BAZ1A: variants seen among roughly 807,000 people sequenced by gnomAD.
BAZ1A encodes the protein bromodomain adjacent to zinc finger domain protein 1A.
BAZ1A carries 50 observed loss-of-function variants against 185.2 expected under a neutral mutation model. That is an observed-to-expected ratio of 0.27 (90% CI 0.22 to 0.34). The LOEUF (loss-of-function observed/expected upper bound fraction) is 0.34. Ranked by LOEUF, BAZ1A falls within the 10% of genes least tolerant of loss-of-function variation. The probability of loss-of-function intolerance (pLI) is 1.00; values close to 1 mark genes in which losing one functional copy is unlikely to be tolerated. For synonymous variants in BAZ1A, 571 were observed against 615.6 expected, an observed-to-expected ratio of 0.93 and a Z score of 1.07; for missense variants, 1,356 against 1,839.9, an observed-to-expected ratio of 0.74 and a Z score of 4.81.
chr14:34,793,588 C>A (rs1406012315), intron 11 of BAZ1A, among the ~76,000 whole-genome samples: 1 of 152,214 alleles, frequency 6.6e-6, no homozygotes, highest in Non-Finnish European at 1.5e-5. Context: ...GTGGGTGGAT[C>A]ACGAGGTCAG....
At chr14:34,829,020 G>C (rs1449715366) in intron 3 of BAZ1A, among the ~76,000 whole-genome samples, 1 of 152,222 alleles carries the variant, frequency 6.6e-6, no homozygotes, top group Non-Finnish European at 1.5e-5. Context: ...CCAGCACTTT[G>C]AGAGGGTGAG....
chr14:34,870,072 T>G (rs954615553), intron 2 of BAZ1A, among the ~76,000 whole-genome samples: 2 of 152,166 alleles, frequency 1.3e-5, no homozygotes, highest in African/African-American at 2.4e-5. Flanking sequence ...ATCCACAGAA[T>G]AGTGAGCAAA....
chr14:34,754,990 T>C (rs1009646907), intron 25 of BAZ1A, 76 bp from the exon 26 acceptor site: 3 of 1,159,534 alleles, frequency 2.6e-6, no homozygotes, highest in East Asian at 4.8e-5. Context: ...CTAAAAGTTT[T>C]GCACTAAAAA....
At chr14:34,829,001 C>A (rs2042201837) in intron 3 of BAZ1A, among the ~76,000 whole-genome samples, 1 of 152,224 alleles carries the variant, frequency 6.6e-6, no homozygotes, top group African/African-American at 2.4e-5. Flanking sequence ...CATTTGCACG[C>A]CTGCAATCCC....
At position 34,802,972 on chromosome 14, in the gene BAZ1A, G is replaced by A. The variant is rs750788363; in HGVS notation, c.743C>T (p.Thr248Met). 5.0e-6 allele frequency: 8 copies of A among 1,610,562 alleles called. No individual in the cohort carries two copies. The highest frequency in any genetic ancestry group is 1.3e-5 in the African/African-American group (1 of 74,842). Residue 248 changes from threonine (T) to methionine (M), a missense_variant, in exon 7 of 27, where the codon ACG (threonine) becomes ATG (methionine). Thr to Met is a moderately conservative substitution (Grantham distance 81). This residue lies in a region of BAZ1A where 332 missense variants were observed against 395.3 expected (regional missense o/e 0.84). Transcript: ENST00000360310. ...AAAATCTTGTTCTGCTATTTTATACGTTGAAAGAGATGATGCCTTAATAAA... is the reference window on the plus strand; with the variant it reads ...AAAATCTTGTTCTGCTATTTTATACATTGAAAGAGATGATGCCTTAATAAA... ...VIKIKASSLSTYKIAEQDFSY... is the reference protein window; with the variant it reads ...VIKIKASSLSMYKIAEQDFSY...
At position 34,831,272 on chromosome 14, in the gene BAZ1A, C is replaced by T. The variant is rs75251435; in HGVS notation, c.393-5116G>A. 6.2e-3 allele frequency among the ~76,000 whole-genome samples: 937 copies of T among 152,222 alleles called. 17 individuals are homozygous for T. Among genetic ancestry groups the T allele is most frequent in the African/African-American group, 0.022 (905 of 41,546 alleles). ...CTGCCATGTTCTCCCAAAATAATGG[C>T]CAGATTTAGCTGATACAGGGTAGGC... is the stretch of plus-strand genomic sequence containing the variant. On this transcript the variant is annotated intron_variant, in intron 3 of 26. Coordinates refer to ENST00000360310, the MANE Select transcript of BAZ1A (RefSeq NM_013448.3).
intron 20 of BAZ1A, among the ~76,000 whole-genome samples, chr14:34,771,925 G>A (rs1393802111): frequency 6.6e-6 from 1 of 151,958 alleles, no homozygotes; most frequent in African/African-American, 2.4e-5. Context: ...TAAGTATTTC[G>A]GGCAGCTTAT....
At chr14:34,801,990 T>C (rs535729875) in intron 7 of BAZ1A, among the ~76,000 whole-genome samples, 2 of 152,016 alleles carry the variant, frequency 1.3e-5, no homozygotes, top group South Asian at 4.2e-4. Flanking sequence ...TGTAGCTCTA[T>C]AAATTATTAC....
At chr14:34,872,588 G>A (rs935138854) in intron 2 of BAZ1A, among the ~76,000 whole-genome samples, 1 of 152,144 alleles carries the variant, frequency 6.6e-6, no homozygotes, top group Admixed American at 6.5e-5. Context: ...GCGACAGAGC[G>A]AGAACCTGTC....
In BAZ1A at chr14:34,783,235, A is replaced by G. The variant is rs1465099711; in HGVS notation, c.1998-3T>C. On this transcript the variant is annotated splice_region_variant and splice_polypyrimidine_tract_variant and intron_variant, in intron 15 of 26. Transcript: ENST00000360310. ...TTTCTTCCTTCCTTTTACGAATTCT[A>G]AAAGTTAAAATGAAATATGGTAGTC... 2.6e-6 allele frequency: 4 copies of G among 1,553,998 alleles called. No homozygotes were observed. The highest frequency in any genetic ancestry group is 1.7e-5 in the Admixed American group (1 of 58,240).
chr14:34,786,847 A>T (rs1371161862), intron 12 of BAZ1A, among the ~76,000 whole-genome samples: 2 of 151,638 alleles, frequency 1.3e-5, no homozygotes, highest in Admixed American at 1.3e-4. Context: ...ACCTCAGGTG[A>T]TCCACCCACC....
At chr14:34,816,828 T>C (rs1181149058) in intron 4 of BAZ1A, 1 of 450,346 alleles carries the variant, frequency 2.2e-6, no homozygotes, top group Non-Finnish European at 4.5e-6. Flanking sequence ...GTAGATCAAC[T>C]TCATTATTTG....
intron 12 of BAZ1A, 147 bp downstream of exon 12, chr14:34,792,628 T>A (rs1880926764): frequency 3.2e-6 from 3 of 925,960 alleles, no homozygotes; most frequent in Non-Finnish European, 4.8e-6. Context: ...ATAATCCATT[T>A]GTTGTTAGCA....
chr14:34,776,732 C>G (rs1879641415), intron 17 of BAZ1A, among the ~76,000 whole-genome samples: 2 of 152,166 alleles, frequency 1.3e-5, no homozygotes, highest in Non-Finnish European at 2.9e-5. Context: ...AGGTGGGGAC[C>G]TAATCCAACA....
chr14:34,753,211 GA>G lies in BAZ1A; in HGVS notation c.*296del. 1 of 274,040 alleles carries G rather than the reference GA, an allele frequency of 3.6e-6. No individual in the cohort carries two copies. The highest frequency in any genetic ancestry group is 6.8e-5 in the East Asian group (1 of 14,624). The allele number at this position is 274,040 out of a possible 1,614,324, so 17.0% of individuals were successfully genotyped here. ...ATCAATAACAAAATAAATCGTGGGT[GA>G]AAAAATATTTTCCAAGATCTCTGGA... On this transcript the variant is annotated 3_prime_UTR_variant, in exon 27 of 27. Transcript: ENST00000360310.
chr14:34,758,000 G>T (rs983720381), intron 25 of BAZ1A, among the ~76,000 whole-genome samples: 5 of 150,572 alleles, frequency 3.3e-5, no homozygotes, highest in African/African-American at 1.2e-4. Context: ...GCCCGCCTCG[G>T]CCTCCCAAAG....
intron 25 of BAZ1A, among the ~76,000 whole-genome samples, chr14:34,756,060 C>G (rs1411287662): frequency 4.0e-5 from 6 of 149,050 alleles, no homozygotes; most frequent in Non-Finnish European, 7.4e-5. Context: ...AGGCTGGTCT[C>G]AAACTCCTGG....
intron 3 of BAZ1A, among the ~76,000 whole-genome samples, chr14:34,857,472 T>C (rs531867303): frequency 6.6e-6 from 1 of 152,266 alleles, no homozygotes; most frequent in Admixed American, 6.5e-5. Context: ...TTCTCCATCT[T>C]ACCATCTACT....
At chr14:34,868,052 A>G (rs2042889340) in intron 2 of BAZ1A, among the ~76,000 whole-genome samples, 1 of 152,236 alleles carries the variant, frequency 6.6e-6, no homozygotes, top group African/African-American at 2.4e-5. Context: ...CAGGTTATTA[A>G]TGTCAGATTT....
Sources: allele counts gnomAD v4.1 joint callset (sites outside exome capture counted in the v4.1 genomes callset), GRCh38; gene constraint gnomAD v4.1.1; regional missense constraint gnomAD v4.1.1; transcripts MANE v1.5; gene names NCBI Gene and HGNC (gene_info 2026-07-23, HGNC 2026-07-21).